The following NAV1 variants were observed in gnomAD, a reference collection of about 807,000 sequenced individuals.
NAV1 encodes the protein pore membrane and/or filament interacting like protein 3.
A neutral mutation model predicts 175.2 loss-of-function variants in NAV1; 18 were observed. The observed-to-expected ratio is 0.10, with a 90% CI of 0.07 to 0.15. The LOEUF (loss-of-function observed/expected upper bound fraction) is 0.15. NAV1 is among the 10% of genes least tolerant of loss of function. The probability of loss-of-function intolerance (pLI) is 1.00; values close to 1 mark genes in which losing one functional copy is unlikely to be tolerated. For missense variants in NAV1, 1,731 were observed against 2,436.6 expected (o/e 0.71, Z 6.10); for synonymous variants, 897 against 978.7 (o/e 0.92, Z 1.56).
At chr1:201,729,407 G>A (rs892464135) in intron 3 of NAV1, among the ~76,000 whole-genome samples, 6 of 152,192 alleles carry the variant, frequency 3.9e-5, no homozygotes, top group Non-Finnish European at 7.3e-5. Flanking sequence ...CACTTTGGGA[G>A]GCCAAGGTGG....
chr1:201,627,417 C>T (rs564320957), intron 1 of NAV1, among the ~76,000 whole-genome samples: 6 of 152,206 alleles, frequency 3.9e-5, no homozygotes, highest in African/African-American at 1.4e-4. Flanking sequence ...AGATTACAGG[C>T]ATGCACCACC....
At chr1:201,701,428 AG>A (rs199790845) in intron 1 of NAV1, among the ~76,000 whole-genome samples, 70,557 of 119,554 alleles carry the variant, frequency 0.59, 16,668 homozygotes, top group South Asian at 0.68. Context: ...AAATAAAAAA[AG>A]AAAAAGAAAA....
chr1:201,583,597 G>A (rs1285016690), intron 1 of NAV1, among the ~76,000 whole-genome samples: 4 of 152,216 alleles, frequency 2.6e-5, no homozygotes, highest in Non-Finnish European at 5.9e-5. Context: ...GAATGGTTCT[G>A]TTACAAGCTT....
intron 2 of NAV1, among the ~76,000 whole-genome samples, chr1:201,594,723 C>T (rs1558010946): frequency 1.3e-5 from 2 of 152,190 alleles, no homozygotes; most frequent in East Asian, 1.9e-4. Flanking sequence ...GGGGAGCTGG[C>T]CTTTCTCTGG....
chr1:201,728,705 C>T (rs947065677), intron 3 of NAV1, among the ~76,000 whole-genome samples: 4 of 152,130 alleles, frequency 2.6e-5, no homozygotes, highest in African/African-American at 7.2e-5. Flanking sequence ...AAGCAATCCC[C>T]GATCCCCCCT....
intron 1 of NAV1, among the ~76,000 whole-genome samples, chr1:201,586,480 A>C (rs576725419): frequency 6.8e-4 from 103 of 152,280 alleles, no homozygotes; most frequent in Non-Finnish European, 5.7e-4. Context: ...AGGTGGCTTA[A>C]ACAACAGAAA....
intron 1 of NAV1, among the ~76,000 whole-genome samples, chr1:201,651,400 G>T (rs1669200530): frequency 6.6e-6 from 1 of 151,972 alleles, no homozygotes; most frequent in Non-Finnish European, 1.5e-5. Context: ...GAGATGGGAG[G>T]AGGGGCAGGA....
chr1:201,687,149 C>T (rs1349442755), intron 1 of NAV1, among the ~76,000 whole-genome samples: 1 of 152,204 alleles, frequency 6.6e-6, no homozygotes, highest in African/African-American at 2.4e-5. Flanking sequence ...GAGTGACTAA[C>T]TAGTGGCTCT....
intron 1 of NAV1, among the ~76,000 whole-genome samples, chr1:201,684,606 C>G (rs905673407): frequency 6.6e-6 from 1 of 151,404 alleles, no homozygotes; most frequent in African/African-American, 2.4e-5. Flanking sequence ...TCCTGAGTAG[C>G]TGGGATTACA....
intron 1 of NAV1, among the ~76,000 whole-genome samples, chr1:201,690,759 C>T (rs1333170435): frequency 1.3e-5 from 2 of 149,868 alleles, no homozygotes; most frequent in Non-Finnish European, 3.0e-5. Context: ...GTGGCCTGTC[C>T]GTGGCAGTGT....
rs1036547690 is a variant in NAV1 at position 201,694,728 on chromosome 1, G to A, written c.758-18089G>A. ...GGTTGCTTATTCATTGAAAGTCAGG[G>A]ATGGGCGAGATGCAGTCTCCAGAGT... is the stretch of plus-strand genomic sequence containing the variant. On this transcript the variant is annotated intron_variant, in intron 1 of 29. Transcript: ENST00000367296. The surrounding 1 kb of genome is among the most constrained non-coding windows in gnomAD (Gnocchi z 4.2). Among the ~76,000 whole-genome samples the A allele has an allele frequency of 3.3e-5, 5 of 152,242 alleles. No homozygotes were observed. Among genetic ancestry groups the A allele is most frequent in the Non-Finnish European group, 7.3e-5 (5 of 68,046 alleles).
chr1:201,721,894 G>T (rs1421300372), intron 3 of NAV1, among the ~76,000 whole-genome samples: 3 of 152,146 alleles, frequency 2.0e-5, no homozygotes, highest in African/African-American at 7.2e-5. Flanking sequence ...CTCTTCCCAA[G>T]CCCCTGTTCA....
chr1:201,650,112 T>C (rs1022279037), intron 1 of NAV1, among the ~76,000 whole-genome samples: 2 of 152,206 alleles, frequency 1.3e-5, no homozygotes, highest in Non-Finnish European at 2.9e-5. Context: ...CTCTGGGCGT[T>C]AGCGCCGAGA....
chr1:201,565,065 C>G (rs768278130), intron 1 of NAV1, among the ~76,000 whole-genome samples: 5 of 152,150 alleles, frequency 3.3e-5, no homozygotes, highest in Admixed American at 2.6e-4. Flanking sequence ...TTGCCACTTA[C>G]GGTAACAACT....
chr1:201,744,004 C>A (rs973919854), intron 3 of NAV1, among the ~76,000 whole-genome samples: 1 of 152,154 alleles, frequency 6.6e-6, no homozygotes, highest in Non-Finnish European at 1.5e-5. Context: ...CCTGCCTCAG[C>A]CTCCCGAGTA....
chr1:201,642,698 C>G (rs1186867646), intron 2 of NAV1, among the ~76,000 whole-genome samples: 1 of 142,414 alleles, frequency 7.0e-6, no homozygotes, highest in East Asian at 2.1e-4. Flanking sequence ...CCTTTCTTCT[C>G]TCTCTTTCTT....
intron 2 of NAV1, among the ~76,000 whole-genome samples, chr1:201,640,223 G>A (rs1196879963): frequency 6.6e-6 from 1 of 152,206 alleles, no homozygotes; most frequent in Non-Finnish European, 1.5e-5. Flanking sequence ...AACTCAGGGA[G>A]TCTTCTGGGG....
chr1:201,739,877 G>C (rs1673288885), intron 3 of NAV1: 2 of 1,284,872 alleles, frequency 1.6e-6, no homozygotes, highest in South Asian at 5.6e-5. Flanking sequence ...GGGAGAAAAG[G>C]GAGCGGAGGG....
At chr1:201,656,274 C>T (rs41499648) in intron 1 of NAV1, among the ~76,000 whole-genome samples, 3,812 of 152,352 alleles carry the variant, frequency 0.025, 152 homozygotes, top group African/African-American at 0.087. Context: ...ACAGCTTTCA[C>T]TCTGGGCTTC....
Sources: allele counts gnomAD v4.1 joint callset (sites outside exome capture counted in the v4.1 genomes callset), GRCh38; gene constraint gnomAD v4.1.1; non-coding constraint Gnocchi (gnomAD v3.1); transcripts MANE v1.5; gene names NCBI Gene and HGNC (gene_info 2026-07-23, HGNC 2026-07-21).